Variants in LARS1 observed in about 807,000 individuals in gnomAD.
LARS1 encodes the protein leucyl-tRNA synthetase 1, also known as leucine--tRNA ligase, cytoplasmic.
In LARS1, 100 loss-of-function variants were observed where a neutral mutation model predicts 162.8. The observed-to-expected ratio is 0.61, with a 90% confidence interval of 0.52 to 0.73. The LOEUF (loss-of-function observed/expected upper bound fraction) is 0.73, where lower values mean the gene tolerates loss of function less well. LARS1 is among the 30% of genes least tolerant of loss of function. The pLI, the probability that LARS1 is intolerant of heterozygous loss-of-function variation, is 0.00. For synonymous variants in LARS1, 457 were observed against 462.8 expected, an observed-to-expected ratio of 0.99 and a Z score of 0.16; for missense variants, 1,258 against 1,408.9, an observed-to-expected ratio of 0.89 and a Z score of 1.71.
chr5:146,164,787 T>C (rs138850077), intron 5 of LARS1, among the ~76,000 whole-genome samples: 623 of 152,358 alleles, frequency 4.1e-3, no homozygotes, highest in Non-Finnish European at 6.9e-3. Context: ...CTGTTTCTTT[T>C]ATCCTAATAC....
At chr5:146,158,868 G>A (rs1182658920) in intron 8 of LARS1, among the ~76,000 whole-genome samples, 1 of 152,084 alleles carries the variant, frequency 6.6e-6, no homozygotes, top group Non-Finnish European at 1.5e-5. Context: ...AGGCCAAGGC[G>A]GGCAGATCAC....
intron 15 of LARS1, among the ~76,000 whole-genome samples, chr5:146,149,144 A>C (rs1753156248): frequency 6.6e-6 from 1 of 152,164 alleles, no homozygotes; most frequent in Admixed American, 6.5e-5. Flanking sequence ...AGAGAAATTT[A>C]AATTATGGAA....
intron 22 of LARS1, among the ~76,000 whole-genome samples, chr5:146,135,216 C>T (rs1752453840): frequency 6.6e-6 from 1 of 151,122 alleles, no homozygotes; most frequent in African/African-American, 2.4e-5. Context: ...AGGATTTCAC[C>T]ATGTTGGCCA....
At chr5:146,140,584 G>A (rs905719955) in intron 20 of LARS1, among the ~76,000 whole-genome samples, 2 of 152,188 alleles carry the variant, frequency 1.3e-5, no homozygotes, top group African/African-American at 4.8e-5. Context: ...AAGGCGGGTG[G>A]ATCATGAGGC....
At chr5:146,152,148 G>A in intron 13 of LARS1, 146 bp from the exon 14 acceptor site, 1 of 866,082 alleles carries the variant, frequency 1.2e-6, no homozygotes, top group African/African-American at 1.7e-5. Context: ...AGTAATCACA[G>A]AGTGACTAAC....
chr5:146,158,819 G>A (rs1040910039), intron 8 of LARS1, among the ~76,000 whole-genome samples: 18 of 152,076 alleles, frequency 1.2e-4, no homozygotes, highest in South Asian at 2.1e-4. Context: ...CCTGGAGGCC[G>A]GGCACGGTGG....
rs759906816 is a variant in LARS1 at position 146,153,890 on chromosome 5, T to C, written c.1153+3A>G. On this transcript the variant is annotated splice_donor_region_variant and intron_variant, in intron 11 of 31. Transcript: ENST00000394434. ...TATTTCTAGAAATAAATAAACTCTT[T>C]ACCTTTATCCTCCTTAATAGTTAGC... is the stretch of plus-strand genomic sequence containing the variant. The C allele has an allele frequency of 1.4e-5, 23 of 1,609,738 alleles. No homozygotes were observed. The highest frequency in any genetic ancestry group is 3.3e-5 in the South Asian group (3 of 90,962).
intron 31 of LARS1, among the ~76,000 whole-genome samples, chr5:146,115,536 T>C (rs536934311): frequency 4.9e-5 from 7 of 142,460 alleles, no homozygotes; most frequent in African/African-American, 1.9e-4. Flanking sequence ...CTGCTTGAGA[T>C]TTTCCTAATC....
chr5:146,141,152 C>A (rs1752760973), intron 20 of LARS1, among the ~76,000 whole-genome samples: 1 of 152,072 alleles, frequency 6.6e-6, no homozygotes. Flanking sequence ...GCAATGAGAT[C>A]ATATGGGGGG....
At position 146,149,822 on chromosome 5, in the gene LARS1, T is replaced by C; in HGVS notation, c.1426-123A>G. The C allele has an allele frequency of 1.4e-5, 10 of 693,558 alleles. No individual in the cohort carries two copies. The South Asian group carries it at 1.7e-4, about 12-fold the overall frequency. The allele number at this position is 693,558 out of a possible 1,614,324, so 43.0% of individuals were successfully genotyped here. ...ACCGAAATATTTTTAGTATGAAATT[T>C]ATCATATTTACAACGATAATTTTTC... On this transcript the variant is annotated intron_variant, in intron 14 of 31. Transcript: ENST00000394434.
intron 31 of LARS1, among the ~76,000 whole-genome samples, chr5:146,115,580 C>A (rs367936229): frequency 4.2e-5 from 1 of 23,694 alleles, no homozygotes; most frequent in East Asian, 9.6e-4. Flanking sequence ...TAGCGCCTGA[C>A]CAAAAAAAAA....
intron 21 of LARS1, among the ~76,000 whole-genome samples, chr5:146,139,872 CAAAAAAA>C (rs34203668): frequency 6.0e-5 from 5 of 83,390 alleles, no homozygotes; most frequent in East Asian, 3.5e-4. Context: ...GACTCCGTCT[CAAAAAAA>C]AAAAAAAAAA....
intron 21 of LARS1, chr5:146,138,262 GA>G: frequency 1.1e-5 from 2 of 189,758 alleles, no homozygotes; most frequent in Non-Finnish European, 2.5e-5. Context: ...GTAATCTGGG[GA>G]AAGGTAACTC....
Position 146,125,644 on chromosome 5 carries a change from G to C in LARS1, c.2991+791C>G, listed in dbSNP as rs530899567. On this transcript the variant is annotated intron_variant, in intron 28 of 31. Coordinates refer to ENST00000394434, the MANE Select transcript of LARS1 (RefSeq NM_020117.11). ...ATCCTGTAGCCCAGAAAATTTAAGT[G>C]ATTTGTCCAAGGTCTCAAAACTAAG... is the stretch of plus-strand genomic sequence containing the variant. Among the ~76,000 whole-genome samples, 4 of 152,068 alleles carry C rather than the reference G, an allele frequency of 2.6e-5. No individual in the cohort carries two copies. In the East Asian group the frequency reaches 5.8e-4, roughly 22 times the overall value.
At chr5:146,181,601 A>G (rs762869166) in intron 1 of LARS1, among the ~76,000 whole-genome samples, 124 of 152,080 alleles carry the variant, frequency 8.2e-4, no homozygotes, top group Non-Finnish European at 1.4e-3. Context: ...GCAGTGAGCC[A>G]TGATCACGCC....
chr5:146,130,375 A>AT (rs1752226652), intron 24 of LARS1: 1 of 537,292 alleles, frequency 1.9e-6, no homozygotes, highest in Non-Finnish European at 3.2e-6. Flanking sequence ...CAAAAAAAGA[A>AT]TTTTTTTACA....
rs758245557 is a variant in LARS1 at position 146,144,504 on chromosome 5, T to C, written c.1623A>G (p.Lys541=). Residue 541 remains lysine, a synonymous_variant, in exon 17 of 32, where the codon AAA becomes AAG. Transcript: ENST00000394434. The part of the protein sequence containing the change: ...YLDYGEENWK[K]QTSQCLKNLE... ...GGTTCTTCAAGCACTGAGATGTCTG[T>C]TTCTTCCAATTCTCTTCTCCATAAT... The C allele has an allele frequency of 6.4e-5, 104 of 1,613,874 alleles. 1 individual carries two copies. In the East Asian group the frequency reaches 2.3e-3, roughly 36 times the overall value.
At chr5:146,145,261 T>C (rs72822252) in intron 15 of LARS1, among the ~76,000 whole-genome samples, 1 of 145,634 alleles carries the variant, frequency 6.9e-6, no homozygotes, top group Non-Finnish European at 1.5e-5. Flanking sequence ...TTTTTTAATT[T>C]TTTTATAGAA....
At chr5:146,164,050 T>A (rs935093379) in intron 6 of LARS1, among the ~76,000 whole-genome samples, 1 of 152,122 alleles carries the variant, frequency 6.6e-6, no homozygotes, top group African/African-American at 2.4e-5. Flanking sequence ...ACAATTAGAA[T>A]AATAACATCA....
Sources: gnomAD v4.1 joint callset for allele counts (sites outside exome capture counted in the v4.1 genomes callset) on GRCh38, gnomAD v4.1.1 for gene constraint, MANE v1.5 for transcripts, NCBI Gene and HGNC (gene_info 2026-07-23, HGNC 2026-07-21) for gene names.